Variants in SMUG1 observed in about 807,000 individuals in gnomAD.
The protein encoded by SMUG1 is single-strand-selective monofunctional uracil-DNA glycosylase 1.
SMUG1 carries 13 observed loss-of-function variants against 23.9 expected under a neutral mutation model. That is an observed-to-expected ratio of 0.54 (90% CI 0.35 to 0.86). The LOEUF (loss-of-function observed/expected upper bound fraction) is 0.86. Ranked by LOEUF, SMUG1 falls within the 40% of genes least tolerant of loss-of-function variation. SMUG1 has a pLI of 0.01. For missense variants in SMUG1, 313 were observed against 339.5 expected, an observed-to-expected ratio of 0.92 and a Z score of 0.61; for synonymous variants, 133 against 139.8, an observed-to-expected ratio of 0.95 and a Z score of 0.34.
At chr12:54,166,887 GCCAAAAAATAGTCTCCAC>G (rs1405902876) in intron 3 of SMUG1, among the ~76,000 whole-genome samples, 1 of 152,096 alleles carries the variant, frequency 6.6e-6, no homozygotes, top group Non-Finnish European at 1.5e-5. Context: ...CCAGCAGCCA[GCCAAAAAATAGTCTCCAC>G]CCTCACACGC....
At chr12:54,173,646 G>A (rs1940682733) in intron 2 of SMUG1, among the ~76,000 whole-genome samples, 1 of 152,218 alleles carries the variant, frequency 6.6e-6, no homozygotes, top group Non-Finnish European at 1.5e-5. Flanking sequence ...TTGCGGAGGA[G>A]CTGGGGGCCA....
chr12:54,183,683 A>T lies in SMUG1; in HGVS notation c.258T>A (p.Pro86=). The T allele has an allele frequency of 6.2e-7, 1 of 1,613,988 alleles. No homozygotes were observed. Among genetic ancestry groups the T allele is most frequent in the Non-Finnish European group, 8.5e-7 (1 of 1,179,956 alleles). Residue 86 remains proline, a synonymous_variant, in exon 3 of 4, where the codon CCT becomes CCA. Transcript: ENST00000682136. ...PKEVLFLGMN[P]GPFGMAQTGV... ...CAGTCTGGGCCATGCCAAAAGGTCC[A>T]GGGTTCATGCCCAGGAAGAGTACTT... is the stretch of plus-strand genomic sequence containing the variant.
chr12:54,167,576 A>G (rs1272337440), intron 3 of SMUG1, among the ~76,000 whole-genome samples: 1 of 142,996 alleles, frequency 7.0e-6, no homozygotes, highest in Non-Finnish European at 1.5e-5. Flanking sequence ...ACTCCAGTCC[A>G]TGGTGCCCTA....
chr12:54,170,905 T>C (rs1397566052), intron 3 of SMUG1, among the ~76,000 whole-genome samples: 1 of 151,752 alleles, frequency 6.6e-6, no homozygotes, highest in Non-Finnish European at 1.5e-5. Context: ...CCCCTTTTGT[T>C]TCTTAATCCC....
In SMUG1 at chr12:54,182,578, C is replaced by G; in HGVS notation, c.331G>C (p.Val111Leu). Reference protein sequence around the residue: ...VSMVRDWLGIVGPVLTPPQEH... With the variant: ...VSMVRDWLGILGPVLTPPQEH... The stretch of plus-strand genomic sequence containing the variant: ...TGGGGAGGGGTCAGCACAGGCCCCA[C>G]AATGCCCAACCAGTCCCGGACCATG... The change falls in exon 4 of 4, where the codon GTG becomes CTG. Residue 111 changes from valine (V) to leucine (L), a missense_variant. By Grantham distance (32) the Val-to-Leu change is conservative. Transcript: ENST00000682136. 2 of 1,614,072 alleles carry G rather than the reference C, an allele frequency of 1.2e-6. No individual in the cohort carries two copies. Among genetic ancestry groups the G allele is most frequent in the Non-Finnish European group, 1.7e-6 (2 of 1,179,984 alleles).
chr12:54,183,195 C>A (rs1220100668), intron 3 of SMUG1: 2 of 229,522 alleles, frequency 8.7e-6, no homozygotes, highest in East Asian at 9.4e-5. Context: ...GAAAAGCGGG[C>A]AGGCACTGGA....
chr12:54,172,065 G>A (rs1940634648), exon 3 of SMUG1: 1 of 455,480 alleles, frequency 2.2e-6, no homozygotes, highest in Admixed American at 2.3e-5. Context: ...CCCTGCTTCT[G>A]CCCTTGTTTT....
intron 2 of SMUG1, chr12:54,172,806 C>T (rs1426109958): frequency 6.6e-6 from 1 of 152,380 alleles, no homozygotes; most frequent in Non-Finnish European, 1.5e-5. Context: ...ATGTATTCCT[C>T]CCGTCTCCCG....
chr12:54,185,485 AAAAT>A (rs71070813), intron 2 of SMUG1, among the ~76,000 whole-genome samples: 23,116 of 85,098 alleles, frequency 0.27, 5,086 homozygotes, highest in Middle Eastern at 0.37. Flanking sequence ...AATAAAATAA[AAAAT>A]AAATAAATAA....
rs560367669 is a variant in SMUG1 at position 54,181,072 on chromosome 12, G to A, written c.*1024C>T. On this transcript the variant is annotated 3_prime_UTR_variant, in exon 4 of 4. Coordinates refer to ENST00000682136, the MANE Select transcript of SMUG1 (RefSeq NM_001243787.2). ...CTGGCCAACAATGAAGAGGGAAGAG[G>A]GGGGAAATCTAAATGACTACCTTCC... 3 of 154,178 alleles carry A rather than the reference G, an allele frequency of 1.9e-5. No homozygotes were observed. Among genetic ancestry groups the A allele is most frequent in the South Asian group, 2.0e-4 (1 of 4,952 alleles). 9.6% of individuals were successfully genotyped at this position (154,178 alleles called of 1,614,324 possible).
chr12:54,159,354 C>T (rs1356554500), intron 4 of SMUG1, among the ~76,000 whole-genome samples: 1 of 152,210 alleles, frequency 6.6e-6, no homozygotes, highest in Non-Finnish European at 1.5e-5. Context: ...GCCGGACCAA[C>T]AGGAGAGTGT....
chr12:54,160,221 G>T (rs926153050), downstream of SMUG1, among the ~76,000 whole-genome samples: 6 of 152,256 alleles, frequency 3.9e-5, no homozygotes, highest in Non-Finnish European at 7.3e-5. Context: ...CACCTGTGAA[G>T]GTTCTTCGTT....
intron 3 of SMUG1, among the ~76,000 whole-genome samples, chr12:54,166,081 G>T (rs184702659): frequency 6.6e-6 from 1 of 152,228 alleles, no homozygotes; most frequent in African/African-American, 2.4e-5. Flanking sequence ...GTTGGAGCCC[G>T]GTGGAGCGCA....
chr12:54,169,557 T>A (rs1592348183), intron 3 of SMUG1, among the ~76,000 whole-genome samples: 2 of 146,284 alleles, frequency 1.4e-5, no homozygotes. Context: ...GAAGAATGAG[T>A]CAGGGTAAGG....
chr12:54,186,814 G>A (rs1261868035), intron 2 of SMUG1: 3 of 152,196 alleles, frequency 2.0e-5, no homozygotes, highest in East Asian at 3.9e-4. Flanking sequence ...ATAAGCCCAA[G>A]GTCCTGGCCC....
intron 2 of SMUG1, among the ~76,000 whole-genome samples, chr12:54,187,615 C>A (rs1308986116): frequency 6.6e-6 from 1 of 152,210 alleles, no homozygotes; most frequent in African/African-American, 2.4e-5. Flanking sequence ...ATACTACTTT[C>A]ATTGTTCCAT....
In SMUG1 at chr12:54,187,506, T is replaced by G. The variant is rs545279271; in HGVS notation, c.-20+313A>C. ...CCATGCAACACCAACATTAGCAGAT[T>G]GGCTGCTCCAGCTCTAGAATCTCGA... is the stretch of plus-strand genomic sequence containing the variant. On this transcript the variant is annotated intron_variant, in intron 2 of 3. Coordinates refer to ENST00000682136, the MANE Select transcript of SMUG1 (RefSeq NM_001243787.2). Among the ~76,000 whole-genome samples the G allele has an allele frequency of 2.0e-5, 3 of 152,362 alleles. No homozygotes were observed. In the East Asian group the frequency reaches 5.8e-4, roughly 29 times the overall value.
chr12:54,188,807 T>C (rs1265570690), intron 1 of SMUG1, 144 bp downstream of exon 1: 2 of 152,106 alleles, frequency 1.3e-5, no homozygotes, highest in African/African-American at 4.8e-5. Flanking sequence ...GGCTGGGCTC[T>C]CCCTGCACTG....
At chr12:54,174,557 T>C (rs1489303563) in intron 2 of SMUG1, among the ~76,000 whole-genome samples, 1 of 152,226 alleles carries the variant, frequency 6.6e-6, no homozygotes, top group African/African-American at 2.4e-5. Flanking sequence ...TCCAGGTAGA[T>C]GGAAGGACAG....
Sources: allele counts gnomAD v4.1 joint callset (sites outside exome capture counted in the v4.1 genomes callset), GRCh38; gene constraint gnomAD v4.1.1; transcripts MANE v1.5; gene names NCBI Gene and HGNC (gene_info 2026-07-23, HGNC 2026-07-21).